XKR6: variants seen among roughly 807,000 people sequenced by gnomAD.
The protein encoded by XKR6 is XK related 6.
XKR6 carries 22 observed loss-of-function variants against 56.7 expected under a neutral mutation model. That is an observed-to-expected ratio of 0.39 (90% CI 0.28 to 0.55). XKR6 has a LOEUF of 0.55. XKR6 is among the 20% of genes least tolerant of loss of function. The probability of loss-of-function intolerance (pLI) is 0.66; values close to 1 mark genes in which losing one functional copy is unlikely to be tolerated. For missense variants in XKR6, 852 were observed against 889.0 expected (o/e 0.96, Z 0.53); for synonymous variants, 524 against 387.8 (o/e 1.35, Z -4.13).
At chr8:11,128,893 C>A in intron 1 of XKR6, 1 of 456,856 alleles carries the variant, frequency 2.2e-6, no homozygotes, top group Non-Finnish European at 4.4e-6. Flanking sequence ...GCCTTGGTCA[C>A]TGCTAACTGA....
chr8:10,911,471 AT>A lies in XKR6; in HGVS notation c.962-12556del, dbSNP rs530943679. Among the ~76,000 whole-genome samples the A allele has an allele frequency of 1.2e-4, 18 of 146,256 alleles. No homozygotes were observed. The South Asian group carries it at 3.9e-3, about 32-fold the overall frequency. ...ATACATATATAGAGAGAGAATATGT[AT>A]GTGTATATATATATATAGAGAGAGA... On this transcript the variant is annotated intron_variant, in intron 2 of 2. Transcript: ENST00000416569.
chr8:11,140,669 G>C (rs941333642), intron 1 of XKR6, among the ~76,000 whole-genome samples: 2 of 151,904 alleles, frequency 1.3e-5, no homozygotes, highest in Admixed American at 6.6e-5. Context: ...AGGCTGAGGT[G>C]GGTGGGTCAC....
intron 1 of XKR6, among the ~76,000 whole-genome samples, chr8:10,998,253 G>C (rs1798159692): frequency 6.6e-6 from 1 of 151,810 alleles, no homozygotes; most frequent in Non-Finnish European, 1.5e-5. Flanking sequence ...GGAGAAGAAA[G>C]AGAAGGAGTG....
chr8:10,974,992 T>A (rs1802510175), intron 1 of XKR6, among the ~76,000 whole-genome samples: 1 of 152,126 alleles, frequency 6.6e-6, no homozygotes. Context: ...TTTACCAAGC[T>A]TTTTTTTAAA....
rs1804202615 is a variant in XKR6, at chr8:11,201,089, C to A, written c.251G>T (p.Arg84Leu). 5.1e-6 allele frequency: 7 copies of A among 1,383,774 alleles called. No individual in the cohort carries two copies. The highest frequency in any genetic ancestry group is 5.6e-6 in the Non-Finnish European group (6 of 1,069,758). The allele number at this position is 1,383,774 out of a possible 1,614,324, so 85.7% of individuals were successfully genotyped here. ...GTCCCCCCCGTCGGCGGCGGCGCTG[C>A]GGCGCGGCTTCCTGCCCAGGAGGGA... ...LRSLLGRKPR[R>L]SAAADGGDQP... Residue 84 changes from arginine to leucine, a missense_variant, in exon 1 of 3, where the codon CGC becomes CTC. Physicochemically the swap from Arg to Leu is moderately radical, Grantham distance 102 (BLOSUM62 -2). Transcript: ENST00000416569.
At chr8:11,155,903 T>C (rs564776558) in intron 1 of XKR6, among the ~76,000 whole-genome samples, 6 of 152,342 alleles carry the variant, frequency 3.9e-5, no homozygotes, top group African/African-American at 1.4e-4. Flanking sequence ...AGTGCAAATT[T>C]AGATCATGTC....
intron 1 of XKR6, among the ~76,000 whole-genome samples, chr8:11,126,726 C>T (rs749470880): frequency 6.6e-6 from 1 of 152,172 alleles, no homozygotes; most frequent in African/African-American, 2.4e-5. Flanking sequence ...TTTCAAAGAA[C>T]TGAACCATTG....
At chr8:11,101,041 C>G in intron 1 of XKR6, among the ~76,000 whole-genome samples, 1 of 152,188 alleles carries the variant, frequency 6.6e-6, no homozygotes, top group Non-Finnish European at 1.5e-5. Flanking sequence ...ACGAAAGAGG[C>G]TGTCGCTAAA....
intron 1 of XKR6, among the ~76,000 whole-genome samples, chr8:11,059,539 C>G (rs953744887): frequency 1.3e-5 from 2 of 151,998 alleles, no homozygotes; most frequent in African/African-American, 4.8e-5. Flanking sequence ...TGTTTACAAC[C>G]CGGCCCGGCG....
At chr8:10,999,807 G>C (rs1798198486) in intron 1 of XKR6, among the ~76,000 whole-genome samples, 1 of 152,298 alleles carries the variant, frequency 6.6e-6, no homozygotes, top group South Asian at 2.1e-4. Context: ...GACAGCATGA[G>C]ATGCTCAGCT....
chr8:11,132,307 G>C (rs943167066), intron 1 of XKR6, among the ~76,000 whole-genome samples: 7 of 152,046 alleles, frequency 4.6e-5, no homozygotes, highest in African/African-American at 1.7e-4. Context: ...TCTACAGTCT[G>C]TACTAGTTTC....
At chr8:11,160,367 T>G (rs558756197) in intron 1 of XKR6, among the ~76,000 whole-genome samples, 149 of 152,008 alleles carry the variant, frequency 9.8e-4, no homozygotes, top group African/African-American at 3.6e-3. Context: ...ATGGTGAGTC[T>G]GAAGCTGAGA....
chr8:11,162,557 A>C (rs544439508), intron 1 of XKR6, among the ~76,000 whole-genome samples: 1 of 152,358 alleles, frequency 6.6e-6, no homozygotes, highest in Admixed American at 6.5e-5. Context: ...CTAAATTGCA[A>C]AGTGAAAATT....
chr8:11,063,403 T>C (rs118142173), intron 1 of XKR6, among the ~76,000 whole-genome samples: 1,726 of 150,830 alleles, frequency 0.011, 24 homozygotes, highest in Non-Finnish European at 0.015. Flanking sequence ...GAGGCTGAGG[T>C]GGGAGGATCA....
intron 2 of XKR6, among the ~76,000 whole-genome samples, chr8:10,902,084 C>T (rs1006556152): frequency 6.6e-6 from 1 of 152,180 alleles, no homozygotes; most frequent in Non-Finnish European, 1.5e-5. Context: ...GCTGAAACTA[C>T]TCTTGTTTCA....
intron 1 of XKR6, among the ~76,000 whole-genome samples, chr8:11,122,523 T>C (rs1291415479): frequency 3.3e-5 from 5 of 152,254 alleles, no homozygotes; most frequent in African/African-American, 9.6e-5. Context: ...TGCTGACTAC[T>C]AGCCAATGGG....
rs533280811 is a variant in XKR6, at chr8:10,983,315, A to G, written c.765-58485T>C. Among the ~76,000 whole-genome samples the G allele has an allele frequency of 7.9e-5, 12 of 152,296 alleles. No individual in the cohort carries two copies. In the South Asian group the frequency reaches 2.5e-3, roughly 32 times the overall value. Reference sequence around the variant, plus strand: ...AAAGGAAGAAAGGACAAACATACAAATTAAGAAACAGTGATCGGGAAACAA... The same window carrying G: ...AAAGGAAGAAAGGACAAACATACAAGTTAAGAAACAGTGATCGGGAAACAA... On this transcript the variant is annotated intron_variant, in intron 1 of 2. Transcript: ENST00000416569.
intron 1 of XKR6, among the ~76,000 whole-genome samples, chr8:11,191,570 C>G (rs1803576752): frequency 6.6e-6 from 1 of 152,022 alleles, no homozygotes; most frequent in Non-Finnish European, 1.5e-5. Context: ...TGTAATTCAG[C>G]CCCTAGATGC....
chr8:11,119,298 G>A (rs2129182839), intron 1 of XKR6, among the ~76,000 whole-genome samples: 1 of 152,284 alleles, frequency 6.6e-6, no homozygotes, highest in African/African-American at 2.4e-5. Context: ...GATTTGGGGT[G>A]GAGAGTTCTG....
Sources: gnomAD v4.1 joint callset for allele counts (sites outside exome capture counted in the v4.1 genomes callset) on GRCh38, gnomAD v4.1.1 for gene constraint, MANE v1.5 for transcripts, NCBI Gene and HGNC (gene_info 2026-07-23, HGNC 2026-07-21) for gene names.